Variants in ADARB2 observed in about 807,000 individuals in gnomAD.
ADARB2 encodes the protein adenosine deaminase RNA specific B2 (inactive), also known as inactive double-stranded RNA-specific editase B2.
In ADARB2, 25 loss-of-function variants were observed where a neutral mutation model predicts 62.2. The observed-to-expected ratio is 0.40, with a 90% CI of 0.29 to 0.56. ADARB2 has a LOEUF of 0.56. Among genes scored for constraint, ADARB2 ranks in the 20% least tolerant of loss-of-function variants. ADARB2 has a pLI of 0.43. For synonymous variants in ADARB2, 572 were observed against 500.8 expected (o/e 1.14, Z -1.90); for missense variants, 1,071 against 1,077.4 (o/e 0.99, Z 0.08).
At chr10:1,377,832 A>C (rs1832447803) in intron 2 of ADARB2, among the ~76,000 whole-genome samples, 1 of 152,148 alleles carries the variant, frequency 6.6e-6, no homozygotes, top group Admixed American at 6.5e-5. Context: ...TGACACTCAA[A>C]GGCTGTGATG....
At chr10:1,658,108 CTA>C (rs1834195575) in intron 1 of ADARB2, among the ~76,000 whole-genome samples, 1 of 151,822 alleles carries the variant, frequency 6.6e-6, no homozygotes. Flanking sequence ...CTCTCTGTCT[CTA>C]TCTGATTCTG....
intron 1 of ADARB2, among the ~76,000 whole-genome samples, chr10:1,421,453 G>C (rs1449843259): frequency 6.6e-6 from 1 of 151,958 alleles, no homozygotes; most frequent in African/African-American, 2.4e-5. Context: ...GGGAGGTTGG[G>C]GGTCAGGGAG....
chr10:1,303,010 G>A (rs11250395), intron 3 of ADARB2, among the ~76,000 whole-genome samples: 11,326 of 152,114 alleles, frequency 0.074, 582 homozygotes, highest in East Asian at 0.12. Flanking sequence ...CACCAGCAAC[G>A]GAACAAAGCT....
chr10:1,194,579 C>G (rs7081523), intron 8 of ADARB2, among the ~76,000 whole-genome samples: 1 of 152,016 alleles, frequency 6.6e-6, no homozygotes, highest in Non-Finnish European at 1.5e-5. Flanking sequence ...CATCCATCCT[C>G]CATATATCAT....
intron 1 of ADARB2, among the ~76,000 whole-genome samples, chr10:1,465,312 T>C (rs1286386738): frequency 6.6e-6 from 1 of 152,192 alleles, no homozygotes; most frequent in African/African-American, 2.4e-5. Context: ...CCATGTGTGC[T>C]TGTCAAAACC....
At chr10:1,416,493 G>A (rs1588250703) in intron 1 of ADARB2, among the ~76,000 whole-genome samples, 1 of 152,312 alleles carries the variant, frequency 6.6e-6, no homozygotes, top group East Asian at 1.9e-4. Flanking sequence ...CCATTGGCAG[G>A]CCCCTGTGGG....
chr10:1,590,443 C>T (rs1434647728), intron 1 of ADARB2, among the ~76,000 whole-genome samples: 1 of 152,094 alleles, frequency 6.6e-6, no homozygotes, highest in Non-Finnish European at 1.5e-5. Context: ...AATAATATAT[C>T]CACATGGTTA....
At chr10:1,329,929 CTTTTTTTTT>C (rs370355543) in intron 3 of ADARB2, among the ~76,000 whole-genome samples, 1,825 of 100,278 alleles carry the variant, frequency 0.018, 45 homozygotes, top group African/African-American at 0.054. Context: ...GAAGAAGTGC[CTTTTTTTTT>C]TTTTTTTTTT....
intron 1 of ADARB2, among the ~76,000 whole-genome samples, chr10:1,429,539 C>A (rs1830758020): frequency 6.6e-6 from 1 of 152,204 alleles, no homozygotes; most frequent in Non-Finnish European, 1.5e-5. Flanking sequence ...GACGTGAATG[C>A]AGGACAAAGG....
Position 1,327,431 on chromosome 10 carries a change from TGCCCAGCGCCTCCCCACG to T in ADARB2, c.1077+35579_1077+35596del, listed in dbSNP as rs1564258359. On this transcript the variant is annotated intron_variant, in intron 3 of 9. Transcript: ENST00000381312. ...TCCCCACTGCCCAGCGCCTCCCCAC[TGCCCAGCGCCTCCCCACG>T]GCCCAGCGCCTCCTCACTGCACAGC... 6.2e-4 allele frequency among the ~76,000 whole-genome samples: 27 copies of T among 43,672 alleles called. 1 individual carries two copies. The highest frequency in any genetic ancestry group is 4.0e-3 in the African/African-American group (25 of 6,226). The allele number at this position is 43,672 out of a possible 152,430, so 28.7% of individuals were successfully genotyped here.
intron 1 of ADARB2, among the ~76,000 whole-genome samples, chr10:1,433,874 C>A (rs1830803678): frequency 6.6e-6 from 1 of 152,138 alleles, no homozygotes; most frequent in African/African-American, 2.4e-5. Flanking sequence ...TAAAATGAAT[C>A]AAAGTTTCCG....
At chr10:1,702,443 C>T (rs961793244) in intron 1 of ADARB2, among the ~76,000 whole-genome samples, 2 of 152,202 alleles carry the variant, frequency 1.3e-5, no homozygotes, top group Non-Finnish European at 2.9e-5. Context: ...GACTCTTCCT[C>T]TCTCTTGAGG....
intron 1 of ADARB2, among the ~76,000 whole-genome samples, chr10:1,724,283 C>G (rs1404547337): frequency 6.6e-6 from 1 of 152,212 alleles, no homozygotes; most frequent in Non-Finnish European, 1.5e-5. Flanking sequence ...CATACAGAAC[C>G]ATGAGGTGCA....
At chr10:1,735,466 CTAAA>C (rs1835289153) in intron 1 of ADARB2, among the ~76,000 whole-genome samples, 1 of 152,132 alleles carries the variant, frequency 6.6e-6, no homozygotes, top group African/African-American at 2.4e-5. Context: ...TTCTTCAACT[CTAAA>C]TATTTAAATA....
chr10:1,592,344 G>A (rs1268814535), intron 1 of ADARB2, among the ~76,000 whole-genome samples: 2 of 137,432 alleles, frequency 1.5e-5, no homozygotes, highest in African/African-American at 5.4e-5. Flanking sequence ...CCCTCCATAG[G>A]TCTCCTCTCT....
chr10:1,368,163 C>A (rs1832329905), intron 2 of ADARB2, among the ~76,000 whole-genome samples: 1 of 146,740 alleles, frequency 6.8e-6, no homozygotes, highest in South Asian at 2.1e-4. Flanking sequence ...GACACTCGGG[C>A]TCTGCTCCAT....
chr10:1,302,220 C>T lies in ADARB2; in HGVS notation c.1078-31151G>A, dbSNP rs572089475. ...GCGAGGCATTGCCTCACTTGGGAAG[C>T]GCAAGGGGTCAGGGAGTTCCCTTTC... On this transcript the variant is annotated intron_variant, in intron 3 of 9. Coordinates refer to ENST00000381312, the MANE Select transcript of ADARB2 (RefSeq NM_018702.4). Among the ~76,000 whole-genome samples the T allele has an allele frequency of 3.0e-4, 46 of 152,188 alleles. 1 individual carries two copies. The highest frequency in any genetic ancestry group is 1.2e-3 in the East Asian group (6 of 5,184).
chr10:1,576,522 G>T (rs1574269), intron 1 of ADARB2, among the ~76,000 whole-genome samples: 39,312 of 152,106 alleles, frequency 0.26, 5,466 homozygotes, highest in Non-Finnish European at 0.33. Context: ...GGAGCCGAGA[G>T]GACTGAGGGT....
chr10:1,384,266 C>T (rs915470112), intron 1 of ADARB2, among the ~76,000 whole-genome samples: 1 of 152,226 alleles, frequency 6.6e-6, no homozygotes, highest in African/African-American at 2.4e-5. Flanking sequence ...GACCGTGACT[C>T]AACACCATTA....
Sources: gnomAD v4.1 joint callset for allele counts (sites outside exome capture counted in the v4.1 genomes callset) on GRCh38, gnomAD v4.1.1 for gene constraint, MANE v1.5 for transcripts, NCBI Gene and HGNC (gene_info 2026-07-23, HGNC 2026-07-21) for gene names.